CYP2J2: variants seen among roughly 807,000 people sequenced by gnomAD.
CYP2J2 encodes the protein cytochrome P450 2J2.
In CYP2J2, 41 loss-of-function variants were observed where a neutral mutation model predicts 48.8. That is an observed-to-expected ratio of 0.84 (90% CI 0.66 to 1.09). The LOEUF is 1.09. CYP2J2 is among the 50% of genes least tolerant of loss of function. CYP2J2 has a pLI of 0.00. For synonymous variants in CYP2J2, 221 were observed against 227.1 expected (o/e 0.97, Z 0.24); for missense variants, 644 against 617.3 (o/e 1.04, Z -0.46).
At chr1:59,948,461 C>T in the CYP2J2 span, among the ~76,000 whole-genome samples, 2 of 152,054 alleles carry the variant, frequency 1.3e-5, no homozygotes, top group Non-Finnish European at 1.5e-5. Context: ...TATAACTGTA[C>T]TACTATGGTC....
intron 1 of CYP2J2, among the ~76,000 whole-genome samples, chr1:59,925,972 G>A (rs756453721): frequency 2.0e-5 from 3 of 152,084 alleles, no homozygotes; most frequent in Non-Finnish European, 4.4e-5. Context: ...GTATAGAGAC[G>A]GAAAGAAGCT....
At chr1:59,955,007 A>G in the CYP2J2 span, among the ~76,000 whole-genome samples, 3 of 151,728 alleles carry the variant, frequency 2.0e-5, no homozygotes, top group East Asian at 1.9e-4. Flanking sequence ...GTGTGGTGAC[A>G]TGCACCTGTA....
At chr1:59,966,344 T>G in the CYP2J2 span, among the ~76,000 whole-genome samples, 2 of 152,236 alleles carry the variant, frequency 1.3e-5, no homozygotes, top group African/African-American at 4.8e-5. Context: ...AATGAAAGAC[T>G]TGGTATGTCC....
intron 6 of CYP2J2, among the ~76,000 whole-genome samples, chr1:59,907,149 G>C (rs1055543306): frequency 1.3e-5 from 2 of 152,170 alleles, no homozygotes; most frequent in African/African-American, 4.8e-5. Flanking sequence ...ATCATCTCTG[G>C]AGGGAGAAAA....
At chr1:59,936,523 TC>T in the CYP2J2 span, among the ~76,000 whole-genome samples, 1 of 152,180 alleles carries the variant, frequency 6.6e-6, no homozygotes, top group African/African-American at 2.4e-5. Flanking sequence ...AAATATTTTT[TC>T]CCTTAAACAC....
chr1:59,942,734 G>A, the CYP2J2 span, among the ~76,000 whole-genome samples: 2 of 151,992 alleles, frequency 1.3e-5, no homozygotes, highest in Admixed American at 6.6e-5. Flanking sequence ...AGCAGAGGGA[G>A]GGAAGAAAAG....
chr1:59,966,729 G>A, the CYP2J2 span, among the ~76,000 whole-genome samples: 192 of 152,264 alleles, frequency 1.3e-3, 2 homozygotes, highest in African/African-American at 4.4e-3. Flanking sequence ...AAAGGTAGGC[G>A]TCAGCAGAGG....
intron 6 of CYP2J2, among the ~76,000 whole-genome samples, chr1:59,906,955 T>C (rs2102117133): frequency 6.6e-6 from 1 of 152,358 alleles, no homozygotes; most frequent in South Asian, 2.1e-4. Context: ...TATGCCTCAT[T>C]AATAAACAGT....
the CYP2J2 span, among the ~76,000 whole-genome samples, chr1:59,961,670 A>C: frequency 6.6e-6 from 1 of 152,186 alleles, no homozygotes; most frequent in Non-Finnish European, 1.5e-5. Flanking sequence ...TTATACATGG[A>C]CGCTCATAGA....
the CYP2J2 span, among the ~76,000 whole-genome samples, chr1:59,945,162 A>G: frequency 6.6e-6 from 1 of 152,202 alleles, no homozygotes; most frequent in Non-Finnish European, 1.5e-5. Context: ...AAAATGGTTA[A>G]GAACAGCATT....
the CYP2J2 span, among the ~76,000 whole-genome samples, chr1:59,955,859 G>A: frequency 2.0e-5 from 3 of 152,024 alleles, no homozygotes; most frequent in Non-Finnish European, 4.4e-5. Flanking sequence ...GGAAACTAAC[G>A]AGACGACACA....
rs746466986 is a variant in CYP2J2, at chr1:59,916,044, A to T, written c.267T>A (p.Val89=). The part of the protein sequence containing the change: ...FSLELGDISA[V]LITGLPLIKE... ...TGATTAAGGGCAAGCCAGTAATAAGAACTGCAGATATGTCACCAAGCTCCA... is the reference window on the plus strand; with the variant it reads ...TGATTAAGGGCAAGCCAGTAATAAGTACTGCAGATATGTCACCAAGCTCCA... The change falls in exon 2 of 9, where the codon GTT becomes GTA. Residue 89 remains valine (V), a synonymous_variant. Transcript: ENST00000371204. 17 of 1,613,812 alleles carry T rather than the reference A, an allele frequency of 1.1e-5. No homozygotes were observed. The highest frequency in any genetic ancestry group is 1.4e-5 in the Non-Finnish European group (16 of 1,179,890).
At position 59,893,774 on chromosome 1, in the gene CYP2J2, G is replaced by A. The variant is rs904778490; in HGVS notation, c.1386C>T (p.Phe462=). 2 of 1,613,426 alleles carry A rather than the reference G, an allele frequency of 1.2e-6. No individual in the cohort carries two copies. The highest frequency in any genetic ancestry group is 8.5e-7 in the Non-Finnish European group (1 of 1,179,726). ...AGGTAAATTTTTGCATAAGGGAAGT[G>A]AAGAAAATAAACAGCTCAGTCCTGG... ...QLARTELFIF[F]TSLMQKFTFR... is the part of the protein sequence containing the mutation. Residue 462 remains phenylalanine (F), a synonymous_variant, in exon 9 of 9, where the codon TTC becomes TTT. Transcript: ENST00000371204.
chr1:59,895,920 T>C (rs1462655320), intron 8 of CYP2J2, among the ~76,000 whole-genome samples: 1 of 152,206 alleles, frequency 6.6e-6, no homozygotes, highest in Non-Finnish European at 1.5e-5. Flanking sequence ...CATTTATTGA[T>C]ATCAGTTAAA....
intron 1 of CYP2J2, among the ~76,000 whole-genome samples, chr1:59,925,253 C>A (rs959097388): frequency 2.6e-5 from 4 of 152,034 alleles, no homozygotes; most frequent in African/African-American, 9.7e-5. Context: ...GATAACAAGT[C>A]AACAAGGATA....
At chr1:59,953,522 G>A in the CYP2J2 span, among the ~76,000 whole-genome samples, 1 of 152,142 alleles carries the variant, frequency 6.6e-6, no homozygotes, top group South Asian at 2.1e-4. Context: ...GTGTGTGTGT[G>A]TGTATGTGTG....
intron 8 of CYP2J2, among the ~76,000 whole-genome samples, chr1:59,896,099 G>C (rs1644266364): frequency 1.3e-5 from 2 of 151,992 alleles, no homozygotes; most frequent in African/African-American, 4.8e-5. Context: ...CCCTTCCCCA[G>C]CCCTGGAATC....
At chr1:59,908,894 A>G (rs912844167) in intron 5 of CYP2J2, among the ~76,000 whole-genome samples, 1 of 152,244 alleles carries the variant, frequency 6.6e-6, no homozygotes, top group African/African-American at 2.4e-5. Context: ...AGTCCAACTC[A>G]GGCCTTAATA....
At chr1:59,951,081 G>A in the CYP2J2 span, among the ~76,000 whole-genome samples, 1 of 152,194 alleles carries the variant, frequency 6.6e-6, no homozygotes, top group Admixed American at 6.5e-5. Context: ...AGGAGCATGG[G>A]AGGAATTGTG....
Sources: allele counts gnomAD v4.1 joint callset (sites outside exome capture counted in the v4.1 genomes callset), GRCh38; gene constraint gnomAD v4.1.1; transcripts MANE v1.5; gene names NCBI Gene and HGNC (gene_info 2026-07-23, HGNC 2026-07-21).